PPP3CA: variants seen among roughly 807,000 people sequenced by gnomAD.
The protein encoded by PPP3CA is protein phosphatase 3 catalytic subunit alpha, also known as CAM-PRP catalytic subunit.
PPP3CA carries 14 observed loss-of-function variants against 66.5 expected under a neutral mutation model. That is an observed-to-expected ratio of 0.21 (90% CI 0.14 to 0.33). The LOEUF is 0.33. Among genes scored for constraint, PPP3CA ranks in the 10% least tolerant of loss-of-function variants. The pLI, the probability that PPP3CA is intolerant of heterozygous loss-of-function variation, is 1.00. For synonymous variants in PPP3CA, 232 were observed against 226.2 expected, an observed-to-expected ratio of 1.03 and a Z score of -0.23; for missense variants, 317 against 639.5, an observed-to-expected ratio of 0.50 and a Z score of 5.44.
At chr4:101,084,122 A>G (rs1729557560) in intron 6 of PPP3CA, among the ~76,000 whole-genome samples, 1 of 152,216 alleles carries the variant, frequency 6.6e-6, no homozygotes, top group Admixed American at 6.5e-5. Context: ...TAAATTTTTG[A>G]CAATGCAAAT....
chr4:101,070,631 A>G (rs2110231924), intron 8 of PPP3CA, among the ~76,000 whole-genome samples: 2 of 152,316 alleles, frequency 1.3e-5, no homozygotes, highest in Non-Finnish European at 2.9e-5. Flanking sequence ...AAAAAATAAT[A>G]CATATGATTA....
At chr4:101,287,717 G>A (rs1051799308) in intron 1 of PPP3CA, among the ~76,000 whole-genome samples, 2 of 150,698 alleles carry the variant, frequency 1.3e-5, no homozygotes, top group Non-Finnish European at 2.9e-5. Context: ...TACAGATCAC[G>A]TGGCATTAAA....
chr4:101,064,209 A>C (rs1728590285), intron 8 of PPP3CA, among the ~76,000 whole-genome samples: 1 of 151,956 alleles, frequency 6.6e-6, no homozygotes, highest in African/African-American at 2.4e-5. Flanking sequence ...ACTTTCAATA[A>C]AGGAAAAGTC....
intron 1 of PPP3CA, among the ~76,000 whole-genome samples, chr4:101,200,950 T>A (rs1403528171): frequency 6.6e-6 from 1 of 152,194 alleles, no homozygotes; most frequent in East Asian, 1.9e-4. Flanking sequence ...GGCTTTTGAC[T>A]ACTCAAAAAA....
At chr4:101,109,781 A>G (rs2110264243) in intron 2 of PPP3CA, among the ~76,000 whole-genome samples, 1 of 152,138 alleles carries the variant, frequency 6.6e-6, no homozygotes, top group South Asian at 2.1e-4. Flanking sequence ...AATTACTGGG[A>G]ATTGGTATTT....
At chr4:101,320,587 C>G (rs1426457277) in intron 1 of PPP3CA, among the ~76,000 whole-genome samples, 1 of 151,808 alleles carries the variant, frequency 6.6e-6, no homozygotes, top group Non-Finnish European at 1.5e-5. Context: ...GGTCATGTTT[C>G]TTAGAAAGAA....
At chr4:101,093,405 TG>T (rs949874466) in intron 6 of PPP3CA, among the ~76,000 whole-genome samples, 1 of 142,554 alleles carries the variant, frequency 7.0e-6, no homozygotes, top group East Asian at 2.0e-4. Context: ...TATGTACATT[TG>T]TTTTTTTTTT....
intron 1 of PPP3CA, among the ~76,000 whole-genome samples, chr4:101,280,481 T>A (rs1230844632): frequency 6.6e-6 from 1 of 152,120 alleles, no homozygotes; most frequent in East Asian, 1.9e-4. Context: ...GTATTTTGTA[T>A]ATATGAGACT....
chr4:101,255,640 C>G (rs999301617), intron 1 of PPP3CA, among the ~76,000 whole-genome samples: 1 of 151,798 alleles, frequency 6.6e-6, no homozygotes, highest in African/African-American at 2.4e-5. Context: ...TAAGTAAATT[C>G]TGCAACTATA....
At chr4:101,329,840 A>T (rs1281197931) in intron 1 of PPP3CA, among the ~76,000 whole-genome samples, 1 of 151,572 alleles carries the variant, frequency 6.6e-6, no homozygotes, top group Non-Finnish European at 1.5e-5. Context: ...CTCTTGGCTG[A>T]GATTGAGATT....
intron 10 of PPP3CA, among the ~76,000 whole-genome samples, chr4:101,048,105 A>T (rs1037522408): frequency 6.6e-6 from 1 of 152,112 alleles, no homozygotes; most frequent in African/African-American, 2.4e-5. Context: ...TAGCTCAAGG[A>T]AATGTTCATA....
At chr4:101,296,571 T>C (rs1728207489) in intron 1 of PPP3CA, among the ~76,000 whole-genome samples, 1 of 152,174 alleles carries the variant, frequency 6.6e-6, no homozygotes, top group Admixed American at 6.5e-5. Flanking sequence ...GTAATTATAA[T>C]ATGTCCATTC....
intron 9 of PPP3CA, 115 bp downstream of exon 9, chr4:101,063,117 A>T: frequency 7.8e-7 from 1 of 1,290,208 alleles, no homozygotes; most frequent in Non-Finnish European, 1.1e-6. Context: ...CTTTCATTGT[A>T]CAACTTGTGA....
At chr4:101,056,453 G>A (rs1364446160) in intron 10 of PPP3CA, among the ~76,000 whole-genome samples, 1 of 152,042 alleles carries the variant, frequency 6.6e-6, no homozygotes, top group Non-Finnish European at 1.5e-5. Flanking sequence ...ATTGCTATAG[G>A]CGCATCTCTA....
chr4:101,036,417 CTTT>C (rs5860655), intron 11 of PPP3CA, among the ~76,000 whole-genome samples: 2 of 146,322 alleles, frequency 1.4e-5, no homozygotes, highest in African/African-American at 2.5e-5. Flanking sequence ...TTCTTTCTTT[CTTT>C]TTTTTTTTTG....
At chr4:101,098,307 G>T in intron 5 of PPP3CA, 60 bp downstream of exon 5, 1 of 1,452,090 alleles carries the variant, frequency 6.9e-7, no homozygotes, top group South Asian at 1.4e-5. Flanking sequence ...GGTAATTAAT[G>T]TCTTCTATTT....
At chr4:101,102,929 T>G (rs1362302970) in intron 3 of PPP3CA, among the ~76,000 whole-genome samples, 1 of 152,204 alleles carries the variant, frequency 6.6e-6, no homozygotes, top group African/African-American at 2.4e-5. Context: ...TGTCTTTCTA[T>G]TCTGACTCTT....
At chr4:101,318,144 T>C (rs918503166) in intron 1 of PPP3CA, among the ~76,000 whole-genome samples, 1 of 152,136 alleles carries the variant, frequency 6.6e-6, no homozygotes, top group African/African-American at 2.4e-5. Context: ...AACACTGGAG[T>C]TGTATTTTTA....
At chr4:101,344,946 C>G (rs919728752) in intron 1 of PPP3CA, among the ~76,000 whole-genome samples, 1 of 152,136 alleles carries the variant, frequency 6.6e-6, no homozygotes, top group Non-Finnish European at 1.5e-5. Flanking sequence ...AGATAATTGT[C>G]ATTCTCTGAT....
Sources: gnomAD v4.1 joint callset for allele counts (sites outside exome capture counted in the v4.1 genomes callset) on GRCh38, gnomAD v4.1.1 for gene constraint, MANE v1.5 for transcripts, NCBI Gene and HGNC (gene_info 2026-07-23, HGNC 2026-07-21) for gene names.